PACRG: variants seen among roughly 807,000 people sequenced by gnomAD.
PACRG encodes parkin coregulated.
A neutral mutation model predicts 29.7 loss-of-function variants in PACRG; 29 were observed. The ratio of observed to expected loss-of-function variants is 0.98; its 90% CI spans 0.73 to 1.33. The LOEUF is 1.33. Among genes scored for constraint, PACRG ranks in the 40% most tolerant of loss-of-function variants. The pLI is 0.00. For missense variants in PACRG, 279 were observed against 316.2 expected, an observed-to-expected ratio of 0.88 and a Z score of 0.89; for synonymous variants, 116 against 118.7, an observed-to-expected ratio of 0.98 and a Z score of 0.15.
chr6:162,760,190 A>G (rs1465780667), intron 1 of PACRG, among the ~76,000 whole-genome samples: 1 of 151,958 alleles, frequency 6.6e-6, no homozygotes, highest in Non-Finnish European at 1.5e-5. Context: ...CTACTCCAGT[A>G]TGCTAAGCAC....
chr6:162,777,993 G>C lies in PACRG; in HGVS notation c.157-36154G>C, dbSNP rs928859711. ...CACTGTTTTGGCCCGTAAGTATGTAGTTGTGAGCTAACCGACACTATTCAG... is the reference window on the plus strand; with the variant it reads ...CACTGTTTTGGCCCGTAAGTATGTACTTGTGAGCTAACCGACACTATTCAG... On this transcript the variant is annotated intron_variant, in intron 1 of 4. Transcript: ENST00000366888. The surrounding 1 kb of genome is among the most constrained non-coding windows in gnomAD (Gnocchi z 4.0). Among the ~76,000 whole-genome samples, 15 of 152,050 alleles carry C rather than the reference G, an allele frequency of 9.9e-5. No homozygotes were observed. The highest frequency in any genetic ancestry group is 3.1e-4 in the African/African-American group (13 of 41,394).
At chr6:163,217,375 G>A (rs1028837338) in intron 4 of PACRG, among the ~76,000 whole-genome samples, 1 of 152,230 alleles carries the variant, frequency 6.6e-6, no homozygotes, top group African/African-American at 2.4e-5. Context: ...GGAAGGCCAG[G>A]GTTCCAGGGG....
At chr6:163,285,345 A>T (rs1468066327) in intron 4 of PACRG, among the ~76,000 whole-genome samples, 2 of 149,850 alleles carry the variant, frequency 1.3e-5, no homozygotes, top group East Asian at 3.9e-4. Context: ...ACACATCCCC[A>T]CTCGGGCAGC....
intron 2 of PACRG, among the ~76,000 whole-genome samples, chr6:162,881,799 A>C (rs1793872021): frequency 6.7e-6 from 1 of 150,058 alleles, no homozygotes; most frequent in Non-Finnish European, 1.5e-5. Flanking sequence ...CCAAGGTTAG[A>C]GACCCTGGGG....
At chr6:163,264,053 T>C (rs1562346219) in intron 4 of PACRG, among the ~76,000 whole-genome samples, 2 of 152,034 alleles carry the variant, frequency 1.3e-5, no homozygotes. Context: ...CTTGAGGGAG[T>C]TGAGAGTCAA....
At chr6:163,236,635 G>A (rs1459685490) in intron 4 of PACRG, among the ~76,000 whole-genome samples, 1 of 152,108 alleles carries the variant, frequency 6.6e-6, no homozygotes, top group Non-Finnish European at 1.5e-5. Context: ...GTCTGCTATG[G>A]GACTGAAAAG....
At chr6:163,081,752 T>A (rs1813101220) in intron 3 of PACRG, among the ~76,000 whole-genome samples, 1 of 152,004 alleles carries the variant, frequency 6.6e-6, no homozygotes, top group South Asian at 2.1e-4. Flanking sequence ...TAAAACCCTG[T>A]CTCAGAAAAA....
At chr6:163,230,296 C>T (rs1781972137) in intron 4 of PACRG, among the ~76,000 whole-genome samples, 1 of 152,178 alleles carries the variant, frequency 6.6e-6, no homozygotes, top group South Asian at 2.1e-4. Flanking sequence ...AATTATGCCC[C>T]TTAGAATACC....
chr6:162,916,135 T>C (rs371333603), intron 2 of PACRG, among the ~76,000 whole-genome samples: 2 of 152,160 alleles, frequency 1.3e-5, no homozygotes, highest in South Asian at 2.1e-4. Flanking sequence ...TTGACTTCAT[T>C]CTTGAAGGAT....
At chr6:163,128,356 CGA>C (rs1562930691) in intron 4 of PACRG, among the ~76,000 whole-genome samples, 42 of 152,246 alleles carry the variant, frequency 2.8e-4, no homozygotes, top group Non-Finnish European at 4.6e-4. Context: ...TATTAGGAAA[CGA>C]AATACAAATA....
intron 1 of PACRG, among the ~76,000 whole-genome samples, chr6:162,737,859 A>G (rs978717246): frequency 6.6e-6 from 1 of 151,990 alleles, no homozygotes; most frequent in Non-Finnish European, 1.5e-5. Flanking sequence ...ATAGGTATAC[A>G]TTTTCCTAAT....
intron 2 of PACRG, among the ~76,000 whole-genome samples, chr6:162,889,199 G>A (rs1363280219): frequency 6.6e-6 from 1 of 152,054 alleles, no homozygotes; most frequent in Non-Finnish European, 1.5e-5. Flanking sequence ...AAGTCATGAA[G>A]AACTGTATGT....
intron 4 of PACRG, among the ~76,000 whole-genome samples, chr6:163,188,481 C>A (rs919704062): frequency 1.3e-5 from 2 of 152,112 alleles, no homozygotes; most frequent in African/African-American, 2.4e-5. Flanking sequence ...CTTTGTGAGT[C>A]CACCGTCTCC....
intron 1 of PACRG, among the ~76,000 whole-genome samples, chr6:162,759,768 TTGCTGTTAATATAAA>T (rs1214003318): frequency 5.9e-5 from 9 of 152,328 alleles, no homozygotes; most frequent in Admixed American, 3.9e-4. Flanking sequence ...ACTATTATTT[TTGCTGTTAATATAAA>T]TGCATCTTCA....
chr6:163,234,156 T>C (rs1410404280), intron 4 of PACRG, among the ~76,000 whole-genome samples: 2 of 152,116 alleles, frequency 1.3e-5, no homozygotes, highest in African/African-American at 4.8e-5. Flanking sequence ...CCCTCTGCTA[T>C]AGTTTGGGTA....
At chr6:163,251,667 G>A (rs975750248) in intron 4 of PACRG, among the ~76,000 whole-genome samples, 2 of 152,138 alleles carry the variant, frequency 1.3e-5, no homozygotes, top group Non-Finnish European at 2.9e-5. Context: ...TGCGCTGCTC[G>A]GACCTCCACA....
intron 1 of PACRG, among the ~76,000 whole-genome samples, chr6:162,759,868 A>T (rs1002540489): frequency 2.6e-5 from 4 of 152,166 alleles, no homozygotes; most frequent in Non-Finnish European, 5.9e-5. Context: ...ATAAATATTC[A>T]AATATTTATG....
intron 2 of PACRG, among the ~76,000 whole-genome samples, chr6:162,911,431 G>T (rs1796295471): frequency 6.6e-6 from 1 of 152,132 alleles, no homozygotes; most frequent in African/African-American, 2.4e-5. Context: ...CTGGGCCAAT[G>T]GCCTGAAGTT....
At chr6:162,845,028 CG>C (rs1018301133) in intron 2 of PACRG, among the ~76,000 whole-genome samples, 1 of 151,858 alleles carries the variant, frequency 6.6e-6, no homozygotes, top group Non-Finnish European at 1.5e-5. Flanking sequence ...CAAATAATCT[CG>C]TATCTTAGGT....
Sources: gnomAD v4.1 joint callset for allele counts (sites outside exome capture counted in the v4.1 genomes callset) on GRCh38, gnomAD v4.1.1 for gene constraint, Gnocchi (gnomAD v3.1) non-coding constraint, MANE v1.5 for transcripts, NCBI Gene and HGNC (gene_info 2026-07-23, HGNC 2026-07-21) for gene names.